Variants in RABGAP1L observed in about 807,000 individuals in gnomAD.
RABGAP1L encodes the protein rab GTPase-activating protein 1-like.
In RABGAP1L, 63 loss-of-function variants were observed where a neutral mutation model predicts 137.7. That is an observed-to-expected ratio of 0.46 (90% CI 0.37 to 0.56). The LOEUF is 0.56. Among genes scored for constraint, RABGAP1L ranks in the 20% least tolerant of loss-of-function variants. The pLI, the probability that RABGAP1L is intolerant of heterozygous loss-of-function variation, is 0.00. For synonymous variants in RABGAP1L, 431 were observed against 433.7 expected (o/e 0.99, Z 0.08); for missense variants, 1,095 against 1,244.0 (o/e 0.88, Z 1.80).
rs187049674 is a variant in RABGAP1L, at chr1:174,882,995, G to T, written c.2340+71035G>T. On this transcript the variant is annotated intron_variant, in intron 19 of 25. Transcript: ENST00000681986. Reference sequence around the variant, plus strand: ...ACACCACCATGCCTGGCTAATTTTTGTATCTTTAGTAGAGATGGGGCTTTC... The same window carrying T: ...ACACCACCATGCCTGGCTAATTTTTTTATCTTTAGTAGAGATGGGGCTTTC... Among the ~76,000 whole-genome samples the T allele has an allele frequency of 1.2e-3, 178 of 152,200 alleles. 1 individual carries two copies. The highest frequency in any genetic ancestry group is 4.0e-3 in the African/African-American group (166 of 41,532).
chr1:174,907,774 A>C (rs918823692), intron 19 of RABGAP1L, among the ~76,000 whole-genome samples: 19 of 152,178 alleles, frequency 1.2e-4, no homozygotes, highest in African/African-American at 4.3e-4. Context: ...TCTCAAAACA[A>C]CCACAAGACA....
At chr1:174,612,452 G>T in intron 13 of RABGAP1L, among the ~76,000 whole-genome samples, 1 of 152,168 alleles carries the variant, frequency 6.6e-6, no homozygotes, top group Non-Finnish European at 1.5e-5. Flanking sequence ...GCTGGATTCG[G>T]TTTGCCAGTA....
intron 13 of RABGAP1L, chr1:174,548,625 C>G: frequency 1.1e-6 from 1 of 889,202 alleles, no homozygotes; most frequent in Non-Finnish European, 1.3e-6. Flanking sequence ...TGCATACCAC[C>G]CATCTTCCAA....
intron 19 of RABGAP1L, among the ~76,000 whole-genome samples, chr1:174,842,581 T>C (rs902530248): frequency 8.5e-5 from 13 of 152,202 alleles, no homozygotes; most frequent in Non-Finnish European, 1.5e-4. Flanking sequence ...GCTCATTTTA[T>C]AGAAGAAATT....
chr1:174,221,377 A>G (rs1214558856), intron 3 of RABGAP1L, among the ~76,000 whole-genome samples: 1 of 152,158 alleles, frequency 6.6e-6, no homozygotes, highest in Non-Finnish European at 1.5e-5. Context: ...CTGGGTCCTC[A>G]TTTTACCCCT....
At chr1:174,292,329 C>CTTT (rs61636433) in intron 10 of RABGAP1L, among the ~76,000 whole-genome samples, 22 of 50,618 alleles carry the variant, frequency 4.3e-4, no homozygotes, top group African/African-American at 1.0e-3. Context: ...CCTACCTAAT[C>CTTT]TTTTTTTTTT....
rs1218277016 is a variant in RABGAP1L at position 174,371,003 on chromosome 1, G to C, written c.1490G>C (p.Gly497Ala). Reference protein sequence around the residue: ...EEESDNELSSGTGDVSKDCPE... With the variant: ...EEESDNELSSATGDVSKDCPE... ...GAGAGTGATAATGAACTCTCAAGTG[G>C]AACAGGTGATGTGTCTAAGGATTGT... Residue 497 changes from glycine (G) to alanine (A), a missense_variant, in exon 12 of 26, where the codon GGA (glycine) becomes GCA (alanine). Physicochemically the swap from Gly to Ala is moderately conservative, Grantham distance 60 (BLOSUM62 0). This residue lies in a region of RABGAP1L where 315 missense variants were observed against 324.8 expected (regional missense o/e 0.97). Transcript: ENST00000681986. 3 of 1,490,898 alleles carry C rather than the reference G, an allele frequency of 2.0e-6. No homozygotes were observed. Among genetic ancestry groups the C allele is most frequent in the East Asian group, 2.3e-5 (1 of 43,724 alleles). 92.4% of individuals were successfully genotyped at this position (1,490,898 alleles called of 1,614,324 possible). A position where few individuals can be genotyped will look rare whatever the true frequency, so the allele number is the denominator to read the frequency against.
intron 13 of RABGAP1L, among the ~76,000 whole-genome samples, chr1:174,606,052 C>A (rs1182287837): frequency 6.6e-6 from 1 of 152,100 alleles, no homozygotes; most frequent in African/African-American, 2.4e-5. Context: ...GTGCCTCAGA[C>A]TAGATCCTAT....
At chr1:174,443,994 G>C (rs960405078) in intron 13 of RABGAP1L, among the ~76,000 whole-genome samples, 2 of 151,880 alleles carry the variant, frequency 1.3e-5, no homozygotes, top group African/African-American at 4.8e-5. Context: ...GACTATAAAT[G>C]TGTAGATTTA....
chr1:174,392,830 A>G (rs1450881255), intron 12 of RABGAP1L, among the ~76,000 whole-genome samples: 1 of 152,162 alleles, frequency 6.6e-6, no homozygotes, highest in African/African-American at 2.4e-5. Context: ...TTGAAACCAG[A>G]GCCTGGGGTG....
intron 1 of RABGAP1L, among the ~76,000 whole-genome samples, chr1:174,217,648 GA>G (rs1364598213): frequency 6.6e-6 from 1 of 151,944 alleles, no homozygotes; most frequent in Non-Finnish European, 1.5e-5. Context: ...TACAAAGTGA[GA>G]AAAAAACCTT....
At chr1:174,327,992 T>TATATATATATATATACAC (rs1680655857) in intron 11 of RABGAP1L, among the ~76,000 whole-genome samples, 1 of 57,614 alleles carries the variant, frequency 1.7e-5, no homozygotes, top group East Asian at 4.9e-4. Flanking sequence ...CACACATATA[T>TATATATATATATATACAC]ATATATATAT....
At chr1:174,737,621 AC>A (rs1436640449) in intron 17 of RABGAP1L, among the ~76,000 whole-genome samples, 1 of 151,810 alleles carries the variant, frequency 6.6e-6, no homozygotes, top group East Asian at 1.9e-4. Flanking sequence ...ATTAATAGCA[AC>A]CCCTCACTCC....
At chr1:174,333,794 T>C (rs1681243768) in intron 11 of RABGAP1L, among the ~76,000 whole-genome samples, 2 of 152,232 alleles carry the variant, frequency 1.3e-5, no homozygotes, top group Admixed American at 1.3e-4. Flanking sequence ...TCACTTGATC[T>C]GGAGCAGAGC....
intron 21 of RABGAP1L, among the ~76,000 whole-genome samples, chr1:174,970,769 A>G (rs1670063376): frequency 2.0e-5 from 3 of 152,152 alleles, no homozygotes; most frequent in Non-Finnish European, 4.4e-5. Flanking sequence ...ATGTATATAC[A>G]AGGTTGTTTA....
intron 14 of RABGAP1L, among the ~76,000 whole-genome samples, chr1:174,637,790 C>T (rs1185498789): frequency 6.6e-6 from 1 of 152,192 alleles, no homozygotes; most frequent in Non-Finnish European, 1.5e-5. Context: ...TCCTAGATGA[C>T]TCTGTCCTTC....
At chr1:174,842,864 T>C (rs935319794) in intron 19 of RABGAP1L, among the ~76,000 whole-genome samples, 6 of 152,240 alleles carry the variant, frequency 3.9e-5, no homozygotes, top group African/African-American at 1.4e-4. Flanking sequence ...TTTTCTTATT[T>C]AATTATTCTT....
chr1:174,456,953 T>C (rs1052096146), intron 13 of RABGAP1L, among the ~76,000 whole-genome samples: 1 of 152,170 alleles, frequency 6.6e-6, no homozygotes, highest in Non-Finnish European at 1.5e-5. Context: ...GGTCAATAAA[T>C]ATTTATTGAC....
At position 174,305,056 on chromosome 1, in the gene RABGAP1L, A is replaced by T. The variant is rs775292761; in HGVS notation, c.1394A>T (p.Asp465Val). Residue 465 changes from aspartate to valine, a missense_variant, in exon 11 of 26, where the codon GAC (aspartate) becomes GTC (valine). This residue lies in a region of RABGAP1L where 315 missense variants were observed against 324.8 expected (regional missense o/e 0.97). Coordinates refer to ENST00000681986, the MANE Select transcript of RABGAP1L (RefSeq NM_001366446.1). Reference protein sequence around the residue: ...YEVVSLQRESDKEEPVTPTSG... With the variant: ...YEVVSLQRESVKEEPVTPTSG... ...GTGGTGAGTCTACAGCGAGAGTCTG[A>T]CAAGGAGGAACCAGTCACTCCTACT... 1 of 1,562,102 alleles carries T rather than the reference A, an allele frequency of 6.4e-7. No homozygotes were observed. The highest frequency in any genetic ancestry group is 2.0e-5 in the Admixed American group (1 of 50,230).
Sources: gnomAD v4.1 joint callset for allele counts (sites outside exome capture counted in the v4.1 genomes callset) on GRCh38, gnomAD v4.1.1 for gene constraint, gnomAD v4.1.1 regional missense constraint, MANE v1.5 for transcripts, NCBI Gene and HGNC (gene_info 2026-07-23, HGNC 2026-07-21) for gene names.